PCDH15: variants seen among roughly 807,000 people sequenced by gnomAD.
The protein encoded by PCDH15 is protocadherin related 15, also known as protocadherin-15.
PCDH15 carries 129 observed loss-of-function variants against 178.5 expected under a neutral mutation model. The observed-to-expected ratio is 0.72, with a 90% CI of 0.63 to 0.84. The LOEUF (loss-of-function observed/expected upper bound fraction) is 0.84. PCDH15 is among the 40% of genes least tolerant of loss of function. PCDH15 has a pLI of 0.00. For missense variants in PCDH15, 2,230 were observed against 2,099.9 expected, an observed-to-expected ratio of 1.06 and a Z score of -1.21; for synonymous variants, 800 against 732.0, an observed-to-expected ratio of 1.09 and a Z score of -1.50.
intron 6 of PCDH15, among the ~76,000 whole-genome samples, chr10:54,330,362 C>T (rs1939223958): frequency 1.3e-5 from 2 of 151,868 alleles, no homozygotes; most frequent in African/African-American, 4.8e-5. Flanking sequence ...CAGCATGTCA[C>T]TGTACTGAAT....
At chr10:54,379,898 C>A (rs1387452644) in intron 3 of PCDH15, among the ~76,000 whole-genome samples, 1 of 151,980 alleles carries the variant, frequency 6.6e-6, no homozygotes, top group East Asian at 1.9e-4. Context: ...CGAGAGAACA[C>A]ATCGCCTTAG....
chr10:54,898,926 A>C (rs1009347467), intron 2 of PCDH15, among the ~76,000 whole-genome samples: 3 of 152,186 alleles, frequency 2.0e-5, no homozygotes, highest in African/African-American at 7.2e-5. Flanking sequence ...GTACAATAAG[A>C]GACAAAGGTA....
At chr10:55,201,435 T>C (rs1447985923) in intron 1 of PCDH15, among the ~76,000 whole-genome samples, 1 of 152,180 alleles carries the variant, frequency 6.6e-6, no homozygotes, top group Non-Finnish European at 1.5e-5. Flanking sequence ...GAGAAAATAT[T>C]GCTAATGATT....
chr10:54,285,867 A>C (rs2058996864), intron 8 of PCDH15, among the ~76,000 whole-genome samples: 1 of 152,228 alleles, frequency 6.6e-6, no homozygotes, highest in South Asian at 2.1e-4. Context: ...TATATACACA[A>C]TGGAATACCA....
intron 18 of PCDH15, among the ~76,000 whole-genome samples, chr10:54,058,488 A>G (rs2093946123): frequency 6.6e-6 from 1 of 152,076 alleles, no homozygotes; most frequent in Admixed American, 6.6e-5. Context: ...CTATCCCAAG[A>G]ACAGCATGAG....
intron 2 of PCDH15, among the ~76,000 whole-genome samples, chr10:55,151,124 A>G (rs1488982313): frequency 6.6e-6 from 1 of 152,122 alleles, no homozygotes; most frequent in Non-Finnish European, 1.5e-5. Context: ...AAGAGCAAAA[A>G]TTAAAAAGAG....
intron 11 of PCDH15, among the ~76,000 whole-genome samples, chr10:54,187,601 G>A (rs1198286110): frequency 1.3e-5 from 2 of 151,800 alleles, no homozygotes; most frequent in Non-Finnish European, 3.0e-5. Context: ...TCAGTTTCTT[G>A]AGTGCTTTTA....
intron 25 of PCDH15, among the ~76,000 whole-genome samples, chr10:53,920,174 C>T (rs1337948582): frequency 6.6e-6 from 1 of 152,016 alleles, no homozygotes; most frequent in Non-Finnish European, 1.5e-5. Flanking sequence ...AATACAAGGG[C>T]CTGCTTTCTC....
chr10:54,622,780 T>C (rs1026000373), intron 2 of PCDH15, among the ~76,000 whole-genome samples: 1 of 102,624 alleles, frequency 9.7e-6, no homozygotes, highest in African/African-American at 3.7e-5. Context: ...TTTTTCCCAC[T>C]ACAGTGGGAA....
chr10:53,894,890 A>T (rs1281274539), intron 26 of PCDH15, among the ~76,000 whole-genome samples: 3 of 152,166 alleles, frequency 2.0e-5, no homozygotes. Flanking sequence ...AATCCAGGTG[A>T]TTAGAATGTC....
intron 2 of PCDH15, among the ~76,000 whole-genome samples, chr10:55,084,462 T>TAAAAAAAAAAAAAAAAAA (rs71461276): frequency 8.9e-5 from 13 of 145,608 alleles, no homozygotes; most frequent in East Asian, 8.5e-4. Flanking sequence ...CCTCAAGCTG[T>TAAAAAAAAAAAAAAAAAA]AAAAAAAAAA....
chr10:55,170,711 G>A (rs549905853), intron 1 of PCDH15, among the ~76,000 whole-genome samples: 68 of 151,890 alleles, frequency 4.5e-4, no homozygotes, highest in Middle Eastern at 3.4e-3. Context: ...GTGAAACCCC[G>A]TCTCCACTAA....
chr10:54,595,223 C>T (rs1294224876), intron 2 of PCDH15, among the ~76,000 whole-genome samples: 1 of 152,192 alleles, frequency 6.6e-6, no homozygotes, highest in Non-Finnish European at 1.5e-5. Context: ...GACCAGCAGT[C>T]TGAGATCACA....
At chr10:53,932,646 T>TG (rs1564801991) in intron 25 of PCDH15, among the ~76,000 whole-genome samples, 1 of 152,194 alleles carries the variant, frequency 6.6e-6, no homozygotes, top group Non-Finnish European at 1.5e-5. Context: ...TATAAAGGAA[T>TG]ACTCATACAA....
chr10:54,927,253 T>C (rs1176487060), intron 2 of PCDH15, among the ~76,000 whole-genome samples: 1 of 152,102 alleles, frequency 6.6e-6, no homozygotes, highest in East Asian at 1.9e-4. Context: ...TTTCAGGAAA[T>C]ATCTTTGTCT....
At chr10:54,838,103 C>T (rs1401862893) in intron 3 of PCDH15, among the ~76,000 whole-genome samples, 1 of 151,886 alleles carries the variant, frequency 6.6e-6, no homozygotes, top group Admixed American at 6.6e-5. Flanking sequence ...CTAACTTAGT[C>T]GAACGACAGT....
intron 2 of PCDH15, among the ~76,000 whole-genome samples, chr10:54,603,553 GA>G (rs2092630148): frequency 6.6e-6 from 1 of 150,886 alleles, no homozygotes; most frequent in African/African-American, 2.4e-5. Context: ...CATGTCTCTC[GA>G]GGCTGTGAGA....
chr10:54,595,182 C>T (rs1413816947), intron 2 of PCDH15, among the ~76,000 whole-genome samples: 1 of 152,170 alleles, frequency 6.6e-6, no homozygotes, highest in East Asian at 1.9e-4. Flanking sequence ...CTACAAAATG[C>T]TTTGGCTGGG....
At chr10:54,971,671 C>G (rs868780082) in intron 2 of PCDH15, among the ~76,000 whole-genome samples, 1 of 152,160 alleles carries the variant, frequency 6.6e-6, no homozygotes, top group Non-Finnish European at 1.5e-5. Flanking sequence ...ACTTCAATAA[C>G]TAGAATACAG....
Sources: gnomAD v4.1 joint callset for allele counts (sites outside exome capture counted in the v4.1 genomes callset) on GRCh38, gnomAD v4.1.1 for gene constraint, MANE v1.5 for transcripts, NCBI Gene and HGNC (gene_info 2026-07-23, HGNC 2026-07-21) for gene names.